PKHD1: variants seen among roughly 807,000 people sequenced by gnomAD.
PKHD1 encodes the protein PKHD1 ciliary IPT domain containing fibrocystin/polyductin.
PKHD1 carries 291 observed loss-of-function variants against 412.0 expected under a neutral mutation model. The observed-to-expected ratio is 0.71, with a 90% confidence interval of 0.64 to 0.78. The LOEUF (loss-of-function observed/expected upper bound fraction) is 0.78, where lower values mean the gene tolerates loss of function less well. Ranked by LOEUF, PKHD1 falls within the 30% of genes least tolerant of loss-of-function variation. PKHD1 has a pLI of 0.00. For synonymous variants in PKHD1, 1,777 were observed against 1,821.5 expected (o/e 0.98, Z 0.62); for missense variants, 4,825 against 4,950.7 (o/e 0.97, Z 0.76).
intron 37 of PKHD1, among the ~76,000 whole-genome samples, chr6:51,927,902 G>A (rs1785932236): frequency 6.6e-6 from 1 of 151,968 alleles, no homozygotes. Flanking sequence ...GAAAACCCAA[G>A]TGGGGCTTCC....
At chr6:51,817,351 G>A (rs1765630178) in intron 52 of PKHD1, among the ~76,000 whole-genome samples, 1 of 151,522 alleles carries the variant, frequency 6.6e-6, no homozygotes, top group African/African-American at 2.4e-5. Flanking sequence ...AAATGCTATT[G>A]TGGTGAAGAT....
chr6:51,766,615 A>ATATTTTTTTTTTTTTTTTTTT (rs1789068572), intron 55 of PKHD1, among the ~76,000 whole-genome samples: 1 of 150,932 alleles, frequency 6.6e-6, no homozygotes, highest in Non-Finnish European at 1.5e-5. Context: ...TGGTGTATTC[A>ATATTTTTTTTTTTTTTTTTTT]TATTTTTATT....
chr6:52,055,457 C>T, intron 19 of PKHD1, 130 bp downstream of exon 19: 1 of 1,010,258 alleles, frequency 9.9e-7, no homozygotes, highest in Non-Finnish European at 1.5e-6. Context: ...AGACCTAGAA[C>T]CTCAGCCTGA....
intron 29 of PKHD1, among the ~76,000 whole-genome samples, chr6:52,032,101 ATTC>A (rs1210547211): frequency 2.0e-5 from 3 of 152,172 alleles, no homozygotes; most frequent in African/African-American, 7.2e-5. Context: ...GGGGCAGCAA[ATTC>A]TTCTTCTGCA....
chr6:51,744,350 C>T (rs1784932210), intron 60 of PKHD1, 35 bp downstream of exon 60: 2 of 1,596,124 alleles, frequency 1.3e-6, no homozygotes, highest in Non-Finnish European at 1.7e-6. Flanking sequence ...GCACCCTTGC[C>T]TCTACCACAG....
Position 51,619,539 on chromosome 6 carries a change from G to A in PKHD1, c.11786-19C>T, listed in dbSNP as rs908142157. ...CTCATATCTGGGGGGAAAAGAAATAGGGGAAGAAATGGATTTAGTTTTCAA... is the reference window on the plus strand; with the variant it reads ...CTCATATCTGGGGGGAAAAGAAATAAGGGAAGAAATGGATTTAGTTTTCAA... On this transcript the variant is annotated intron_variant, in intron 66 of 66. Coordinates refer to ENST00000371117, the MANE Select transcript of PKHD1 (RefSeq NM_138694.4). 5 of 1,601,812 alleles carry A rather than the reference G, an allele frequency of 3.1e-6. No homozygotes were observed. Among genetic ancestry groups the A allele is most frequent in the Non-Finnish European group, 4.3e-6 (5 of 1,168,986 alleles).
At chr6:52,016,635 C>CA (rs10579713) in intron 34 of PKHD1, among the ~76,000 whole-genome samples, 2,108 of 118,822 alleles carry the variant, frequency 0.018, 58 homozygotes, top group African/African-American at 0.067. Context: ...GACTCTGTCT[C>CA]AAAAAAAAAA....
intron 52 of PKHD1, among the ~76,000 whole-genome samples, chr6:51,816,495 T>C (rs1765482286): frequency 6.6e-6 from 1 of 152,222 alleles, no homozygotes; most frequent in Non-Finnish European, 1.5e-5. Context: ...TAGAGCTGGA[T>C]GGGAGAAGAC....
intron 35 of PKHD1, among the ~76,000 whole-genome samples, chr6:51,977,770 A>G (rs561210735): frequency 2.0e-5 from 3 of 152,358 alleles, no homozygotes; most frequent in East Asian, 1.9e-4. Context: ...TCCCACCTGG[A>G]AAGTCTAAAG....
In PKHD1 at chr6:51,746,721, C is replaced by G. The variant is rs1057524563; in HGVS notation, c.9998G>C (p.Arg3333Thr). 5 of 1,579,240 alleles carry G rather than the reference C, an allele frequency of 3.2e-6. No individual in the cohort carries two copies. Among genetic ancestry groups the G allele is most frequent in the Non-Finnish European group, 3.5e-6 (4 of 1,148,870 alleles). ...NKFYFPSLQP[R>T]KDLGKVVCPE... ...TTATTATAAATACTAAAAATTATAC[C>G]TGGGTTGTAATGAAGGAAAGTAGAA... is the stretch of plus-strand genomic sequence containing the variant. Residue 3333 changes from arginine to threonine, a missense_variant and splice_region_variant, in exon 59 of 67, where the codon AGG becomes ACG. By Grantham distance (71) the Arg-to-Thr change is moderately conservative. Transcript: ENST00000371117.
intron 59 of PKHD1, among the ~76,000 whole-genome samples, chr6:51,745,284 A>G (rs1192323299): frequency 6.6e-6 from 1 of 152,178 alleles, no homozygotes; most frequent in African/African-American, 2.4e-5. Flanking sequence ...ATGAAACAGT[A>G]TTAAGAAGTG....
chr6:51,915,419 C>G (rs1482646085), intron 37 of PKHD1, among the ~76,000 whole-genome samples: 1 of 152,122 alleles, frequency 6.6e-6, no homozygotes, highest in African/African-American at 2.4e-5. Context: ...TTGTCTCCCC[C>G]ACTAAACATA....
intron 60 of PKHD1, among the ~76,000 whole-genome samples, chr6:51,692,497 A>T (rs1254019853): frequency 2.0e-5 from 3 of 152,290 alleles, no homozygotes; most frequent in South Asian, 4.1e-4. Context: ...AAAACCTTTT[A>T]AAAATATTCA....
chr6:51,706,192 G>A (rs550505327), intron 60 of PKHD1, among the ~76,000 whole-genome samples: 22 of 152,104 alleles, frequency 1.4e-4, no homozygotes, highest in Middle Eastern at 3.4e-3. Flanking sequence ...CATTGATACC[G>A]TTGCCTGTTG....
intron 35 of PKHD1, among the ~76,000 whole-genome samples, chr6:51,964,926 T>G (rs1049437913): frequency 6.6e-6 from 1 of 152,126 alleles, no homozygotes; most frequent in African/African-American, 2.4e-5. Flanking sequence ...ACAATTTATG[T>G]TGATGGAAAG....
In PKHD1 at chr6:51,753,463, GTTCTACCAACATTAAGGTCTGCTT is replaced by G. The variant is rs965658400; in HGVS notation, c.8798-134_8798-111del. On this transcript the variant is annotated intron_variant, in intron 56 of 66. Coordinates refer to ENST00000371117, the MANE Select transcript of PKHD1 (RefSeq NM_138694.4). ...ATGAAAACATCCTTTCCCCTCAGAA[GTTCTACCAACATTAAGGTCTGCTT>G]TTCCTGGGGCATTCTCCACAAAGGT... 5.8e-6 allele frequency: 5 copies of G among 869,416 alleles called. No individual in the cohort carries two copies. In the African/African-American group the frequency reaches 8.3e-5, roughly 15 times the overall value. The allele number at this position is 869,416 out of a possible 1,614,324, so 53.9% of individuals were successfully genotyped here.
At position 51,981,204 on chromosome 6, in the gene PKHD1, C is replaced by G. The variant is rs570692413; in HGVS notation, c.5752-21178G>C. Among the ~76,000 whole-genome samples, 15 of 149,000 alleles carry G rather than the reference C, an allele frequency of 1.0e-4. 1 individual carries two copies. In the East Asian group the frequency reaches 1.6e-3, roughly 16 times the overall value. On this transcript the variant is annotated intron_variant, in intron 35 of 66. Coordinates refer to ENST00000371117, the MANE Select transcript of PKHD1 (RefSeq NM_138694.4). ...ATGCTCTTCCCACTACACTCTACCTCTACTCCGATTGCACAGAGTCTTGCA... is the reference window on the plus strand; with the variant it reads ...ATGCTCTTCCCACTACACTCTACCTGTACTCCGATTGCACAGAGTCTTGCA...
intron 51 of PKHD1, among the ~76,000 whole-genome samples, chr6:51,832,841 T>C (rs561691132): frequency 6.6e-6 from 1 of 152,230 alleles, no homozygotes; most frequent in Non-Finnish European, 1.5e-5. Flanking sequence ...AGACCCAGGA[T>C]AACCTAAAAG....
chr6:51,638,632 C>T (rs1768899981), intron 64 of PKHD1, among the ~76,000 whole-genome samples: 1 of 152,020 alleles, frequency 6.6e-6, no homozygotes. Flanking sequence ...AGGAAATGTA[C>T]ATTTGGTTTC....
Sources: gnomAD v4.1 joint callset for allele counts (sites outside exome capture counted in the v4.1 genomes callset) on GRCh38, gnomAD v4.1.1 for gene constraint, MANE v1.5 for transcripts, NCBI Gene and HGNC (gene_info 2026-07-23, HGNC 2026-07-21) for gene names.